Variants in GRIN2A observed in about 807,000 individuals in gnomAD.
The protein encoded by GRIN2A is glutamate ionotropic receptor NMDA type subunit 2A, also known as glutamate receptor ionotropic, NMDA 2A.
GRIN2A carries 22 observed loss-of-function variants against 113.4 expected under a neutral mutation model. That is an observed-to-expected ratio of 0.19 (90% confidence interval 0.14 to 0.28). The LOEUF is 0.28. Ranked by LOEUF, GRIN2A falls within the 10% of genes least tolerant of loss-of-function variation. The pLI is 1.00. For synonymous variants in GRIN2A, 827 were observed against 738.4 expected (o/e 1.12, Z -1.94); for missense variants, 1,502 against 1,887.0 (o/e 0.80, Z 3.78).
At chr16:9,807,461 G>T (rs113026912) in intron 10 of GRIN2A, among the ~76,000 whole-genome samples, 2 of 151,296 alleles carry the variant, frequency 1.3e-5, no homozygotes, top group African/African-American at 4.9e-5. Context: ...GAGAGAAAGA[G>T]AAAGAATACC....
At chr16:10,177,637 A>C (rs2050175007) in intron 2 of GRIN2A, among the ~76,000 whole-genome samples, 1 of 152,024 alleles carries the variant, frequency 6.6e-6, no homozygotes, top group Non-Finnish European at 1.5e-5. Flanking sequence ...CTCTTAAGTG[A>C]GGTCACATTT....
At chr16:9,843,348 G>C (rs2042716341) in intron 5 of GRIN2A, among the ~76,000 whole-genome samples, 1 of 152,078 alleles carries the variant, frequency 6.6e-6, no homozygotes, top group African/African-American at 2.4e-5. Flanking sequence ...AATTTTTTAA[G>C]AGACACGCTC....
intron 2 of GRIN2A, among the ~76,000 whole-genome samples, chr16:9,960,426 A>C (rs2045414866): frequency 6.6e-6 from 1 of 152,094 alleles, no homozygotes; most frequent in Non-Finnish European, 1.5e-5. Flanking sequence ...ATGCCTTTAC[A>C]TTTTCTTGCT....
chr16:9,867,208 T>C (rs1000583754), intron 4 of GRIN2A, among the ~76,000 whole-genome samples: 2 of 152,172 alleles, frequency 1.3e-5, no homozygotes, highest in African/African-American at 4.8e-5. Flanking sequence ...CAAGTACAGG[T>C]GGAGAATATC....
At chr16:10,010,747 G>A (rs1289364202) in intron 2 of GRIN2A, among the ~76,000 whole-genome samples, 1 of 152,106 alleles carries the variant, frequency 6.6e-6, no homozygotes, top group Non-Finnish European at 1.5e-5. Flanking sequence ...CCCCAGGTAC[G>A]TGCTGAAAAA....
At chr16:10,134,385 C>A (rs1176290651) in intron 2 of GRIN2A, among the ~76,000 whole-genome samples, 2 of 145,556 alleles carry the variant, frequency 1.4e-5, no homozygotes, top group Non-Finnish European at 3.0e-5. Flanking sequence ...CATTTCCTGC[C>A]TGTAGAATTT....
intron 2 of GRIN2A, among the ~76,000 whole-genome samples, chr16:10,153,974 G>C (rs2049636707): frequency 6.6e-6 from 1 of 152,108 alleles, no homozygotes; most frequent in Non-Finnish European, 1.5e-5. Flanking sequence ...TCTGCATTAA[G>C]GTCTCTGTGC....
chr16:10,108,809 T>C (rs372009572), intron 2 of GRIN2A, among the ~76,000 whole-genome samples: 17 of 152,050 alleles, frequency 1.1e-4, no homozygotes, highest in South Asian at 6.2e-4. Context: ...GCAAGTAACA[T>C]AGAAGCAAAA....
At chr16:10,040,458 T>C (rs181817328) in intron 2 of GRIN2A, among the ~76,000 whole-genome samples, 1 of 142,160 alleles carries the variant, frequency 7.0e-6, no homozygotes, top group African/African-American at 2.7e-5. Flanking sequence ...CAAATATAAA[T>C]CCACGCCACA....
chr16:9,795,386 A>G (rs1478331788), intron 11 of GRIN2A, among the ~76,000 whole-genome samples: 1 of 152,206 alleles, frequency 6.6e-6, no homozygotes, highest in Non-Finnish European at 1.5e-5. Context: ...TATATGGTCT[A>G]AAAAAGGGAG....
At chr16:10,123,803 C>T (rs1243844198) in intron 2 of GRIN2A, among the ~76,000 whole-genome samples, 2 of 152,200 alleles carry the variant, frequency 1.3e-5, no homozygotes, top group Admixed American at 1.3e-4. Flanking sequence ...CCTGGGTTTG[C>T]ATCCAGCCTC....
intron 10 of GRIN2A, among the ~76,000 whole-genome samples, chr16:9,805,164 A>G (rs1210394180): frequency 2.0e-5 from 3 of 152,132 alleles, no homozygotes; most frequent in Non-Finnish European, 4.4e-5. Context: ...ACTATACCCC[A>G]CAGTAGAGGC....
At chr16:10,119,314 T>C (rs1450307200) in intron 2 of GRIN2A, among the ~76,000 whole-genome samples, 1 of 152,182 alleles carries the variant, frequency 6.6e-6, no homozygotes, top group African/African-American at 2.4e-5. Flanking sequence ...GCGTTACCCA[T>C]TTGACACAGG....
intron 2 of GRIN2A, among the ~76,000 whole-genome samples, chr16:9,960,159 G>C (rs1184219260): frequency 6.6e-6 from 1 of 152,000 alleles, no homozygotes. Flanking sequence ...ATATAGGAGG[G>C]GCTCAATCAA....
In GRIN2A at chr16:10,036,601, C is replaced by T. The variant is rs567938801; in HGVS notation, c.415-98050G>A. On this transcript the variant is annotated intron_variant, in intron 2 of 12. Coordinates refer to ENST00000330684, the MANE Select transcript of GRIN2A (RefSeq NM_001134407.3). ...GACTACAGGCACCCGCCACAACGCCCGGCTAATTTTTTTTTTTTGTATTTT... is the reference window on the plus strand; with the variant it reads ...GACTACAGGCACCCGCCACAACGCCTGGCTAATTTTTTTTTTTTGTATTTT... Among the ~76,000 whole-genome samples, 38 of 151,038 alleles carry T rather than the reference C, an allele frequency of 2.5e-4. No homozygotes were observed. The East Asian group carries it at 6.4e-3, about 25-fold the overall frequency.
At chr16:10,007,947 C>T (rs1171622775) in intron 2 of GRIN2A, among the ~76,000 whole-genome samples, 1 of 152,150 alleles carries the variant, frequency 6.6e-6, no homozygotes, top group African/African-American at 2.4e-5. Flanking sequence ...GTCATTCTAC[C>T]TCTTTGAGCC....
intron 10 of GRIN2A, among the ~76,000 whole-genome samples, chr16:9,801,516 C>T (rs1903360619): frequency 6.6e-6 from 1 of 152,182 alleles, no homozygotes; most frequent in Admixed American, 6.5e-5. Flanking sequence ...TAAGAGTTGT[C>T]CAGAAGCAGT....
At chr16:10,121,097 G>A (rs781386889) in intron 2 of GRIN2A, among the ~76,000 whole-genome samples, 1 of 152,086 alleles carries the variant, frequency 6.6e-6, no homozygotes, top group Non-Finnish European at 1.5e-5. Context: ...CAACACTCTT[G>A]GTCAAAGCAG....
chr16:9,931,440 G>C (rs1026777161), intron 3 of GRIN2A, among the ~76,000 whole-genome samples: 1 of 152,200 alleles, frequency 6.6e-6, no homozygotes, highest in Non-Finnish European at 1.5e-5. Context: ...AAGAAGAAGA[G>C]ATGTCTATCT....
Sources: gnomAD v4.1 joint callset for allele counts (sites outside exome capture counted in the v4.1 genomes callset) on GRCh38, gnomAD v4.1.1 for gene constraint, MANE v1.5 for transcripts, NCBI Gene and HGNC (gene_info 2026-07-23, HGNC 2026-07-21) for gene names.